STX8: variants seen among roughly 807,000 people sequenced by gnomAD.
STX8 encodes the protein syntaxin 8.
STX8 carries 23 observed loss-of-function variants against 37.5 expected under a neutral mutation model. That is an observed-to-expected ratio of 0.61 (90% CI 0.44 to 0.87). STX8 has a LOEUF of 0.87. Among genes scored for constraint, STX8 ranks in the 40% least tolerant of loss-of-function variants. The pLI, the probability that STX8 is intolerant of heterozygous loss-of-function variation, is 0.00. For synonymous variants in STX8, 115 were observed against 99.1 expected, an observed-to-expected ratio of 1.16 and a Z score of -0.95; for missense variants, 313 against 284.7, an observed-to-expected ratio of 1.10 and a Z score of -0.71.
intron 7 of STX8, among the ~76,000 whole-genome samples, chr17:9,363,398 A>G (rs1567798250): frequency 6.6e-6 from 1 of 152,150 alleles, no homozygotes; most frequent in Non-Finnish European, 1.5e-5. Flanking sequence ...CTGATGAGTT[A>G]GGCTGGGTTC....
chr17:9,440,434 T>C lies in STX8; in HGVS notation c.541+51395A>G, dbSNP rs76315002. On this transcript the variant is annotated intron_variant, in intron 6 of 7. Coordinates refer to ENST00000306357, the MANE Select transcript of STX8 (RefSeq NM_004853.3). Reference sequence around the variant, plus strand: ...TCATTGTCACCATCTTAGTTAACACTTCACCCCCAATTTACTGCAGTTATC... The same window carrying C: ...TCATTGTCACCATCTTAGTTAACACCTCACCCCCAATTTACTGCAGTTATC... Among the ~76,000 whole-genome samples the C allele has an allele frequency of 2.2e-3, 338 of 152,200 alleles. 7 individuals are homozygous for C. In the East Asian group the frequency reaches 0.034, roughly 15 times the overall value.
intron 7 of STX8, among the ~76,000 whole-genome samples, chr17:9,333,028 T>C (rs1163367736): frequency 4.6e-5 from 7 of 152,238 alleles, no homozygotes; most frequent in Non-Finnish European, 1.0e-4. Flanking sequence ...AATGAAGATA[T>C]GCGTCCAAGT....
chr17:9,350,106 G>T (rs1597618975), intron 7 of STX8, among the ~76,000 whole-genome samples: 1 of 152,148 alleles, frequency 6.6e-6, no homozygotes, highest in African/African-American at 2.4e-5. Context: ...CATCTGGTTC[G>T]AGTAATCCTG....
chr17:9,441,986 C>T (rs563379090), intron 6 of STX8, among the ~76,000 whole-genome samples: 1 of 152,190 alleles, frequency 6.6e-6, no homozygotes, highest in Admixed American at 6.5e-5. Context: ...GATTACCATC[C>T]ACAGGCTGAC....
chr17:9,528,195 T>C lies in STX8; in HGVS notation c.323+16977A>G, dbSNP rs144000043. Reference sequence around the variant, plus strand: ...TTATAGTTGTATAAGCATAGATAAATGTGGGGAAGGGAAACTCCAAACAGC... The same window carrying C: ...TTATAGTTGTATAAGCATAGATAAACGTGGGGAAGGGAAACTCCAAACAGC... On this transcript the variant is annotated intron_variant, in intron 4 of 7. Coordinates refer to ENST00000306357, the MANE Select transcript of STX8 (RefSeq NM_004853.3). 1.1e-3 allele frequency among the ~76,000 whole-genome samples: 160 copies of C among 152,302 alleles called. 1 individual carries two copies. The highest frequency in any genetic ancestry group is 3.5e-3 in the African/African-American group (146 of 41,576).
intron 7 of STX8, among the ~76,000 whole-genome samples, chr17:9,360,945 C>T (rs934421904): frequency 7.9e-5 from 12 of 152,116 alleles, no homozygotes; most frequent in Admixed American, 2.6e-4. Context: ...CAGCTGATAC[C>T]CAACTTCAAT....
At chr17:9,463,957 C>A (rs1390467208) in intron 6 of STX8, among the ~76,000 whole-genome samples, 1 of 151,530 alleles carries the variant, frequency 6.6e-6, no homozygotes, top group Non-Finnish European at 1.5e-5. Flanking sequence ...CACCTGTAGT[C>A]CCAGCTACTC....
At chr17:9,455,130 T>C (rs1905151035) in intron 6 of STX8, among the ~76,000 whole-genome samples, 1 of 151,854 alleles carries the variant, frequency 6.6e-6, no homozygotes, top group African/African-American at 2.4e-5. Flanking sequence ...GTGGGAGGAT[T>C]GCTTGAGGTT....
At chr17:9,378,483 A>G in intron 7 of STX8, 69 bp downstream of exon 7, 1 of 1,386,872 alleles carries the variant, frequency 7.2e-7, no homozygotes, top group East Asian at 2.3e-5. Context: ...TTAGACAAAC[A>G]GGAAACTCAG....
At chr17:9,332,153 T>G (rs1909981222) in intron 7 of STX8, among the ~76,000 whole-genome samples, 1 of 152,214 alleles carries the variant, frequency 6.6e-6, no homozygotes, top group Admixed American at 6.5e-5. Flanking sequence ...TAGGATTTCT[T>G]AGCTGAAAAA....
At chr17:9,253,007 C>G (rs572982926) in intron 7 of STX8, among the ~76,000 whole-genome samples, 6 of 152,352 alleles carry the variant, frequency 3.9e-5, no homozygotes, top group African/African-American at 1.4e-4. Context: ...CTCCTGCTCT[C>G]CATCATCATG....
At chr17:9,344,258 C>CTTTT (rs200606281) in intron 7 of STX8, among the ~76,000 whole-genome samples, 13 of 146,012 alleles carry the variant, frequency 8.9e-5, no homozygotes, top group African/African-American at 2.8e-4. Context: ...TGATACTAAA[C>CTTTT]TTTTTTTTTT....
intron 7 of STX8, among the ~76,000 whole-genome samples, chr17:9,324,186 T>C (rs1035158067): frequency 6.6e-6 from 1 of 151,860 alleles, no homozygotes; most frequent in Admixed American, 6.6e-5. Context: ...GTTGTACGTG[T>C]ATGTACAAGA....
chr17:9,383,796 A>G (rs79396291), intron 6 of STX8, among the ~76,000 whole-genome samples: 3,949 of 152,346 alleles, frequency 0.026, 182 homozygotes, highest in African/African-American at 0.09. Flanking sequence ...GTAAAAGGCA[A>G]TATATTTCTA....
At chr17:9,552,716 G>C (rs1345689418) in intron 3 of STX8, 1 of 149,952 alleles carries the variant, frequency 6.7e-6, no homozygotes, top group East Asian at 2.0e-4. Context: ...GCAGTGGCGC[G>C]ATCTCGGCTC....
chr17:9,454,365 C>T (rs1466025537), intron 6 of STX8, among the ~76,000 whole-genome samples: 1 of 152,166 alleles, frequency 6.6e-6, no homozygotes, highest in Non-Finnish European at 1.5e-5. Context: ...CTACTTAGAA[C>T]AGGGCATAAT....
At chr17:9,476,695 C>T (rs900508268) in intron 6 of STX8, among the ~76,000 whole-genome samples, 1 of 151,928 alleles carries the variant, frequency 6.6e-6, no homozygotes, top group African/African-American at 2.4e-5. Flanking sequence ...TCAGGTGACC[C>T]GCCTGCCTCG....
intron 7 of STX8, among the ~76,000 whole-genome samples, chr17:9,288,257 C>A (rs1166421505): frequency 7.2e-6 from 1 of 138,718 alleles, no homozygotes; most frequent in Non-Finnish European, 1.6e-5. Flanking sequence ...GTGAAAGAAA[C>A]AATAATTACA....
chr17:9,347,255 T>A (rs1910565725), intron 7 of STX8, among the ~76,000 whole-genome samples: 2 of 152,160 alleles, frequency 1.3e-5, no homozygotes, highest in Admixed American at 6.6e-5. Flanking sequence ...CATAAAACTG[T>A]TTTGAATCTT....
Sources: gnomAD v4.1 joint callset for allele counts (sites outside exome capture counted in the v4.1 genomes callset) on GRCh38, gnomAD v4.1.1 for gene constraint, MANE v1.5 for transcripts, NCBI Gene and HGNC (gene_info 2026-07-23, HGNC 2026-07-21) for gene names.